Variants in SLC25A26 observed in about 807,000 individuals in gnomAD.
SLC25A26 encodes mitochondrial S-adenosylmethionine carrier protein.
SLC25A26 carries 36 observed loss-of-function variants against 37.8 expected under a neutral mutation model. That is an observed-to-expected ratio of 0.95 (90% CI 0.73 to 1.26). SLC25A26 has a LOEUF of 1.26. Ranked by LOEUF, SLC25A26 falls within the 50% of genes most tolerant of loss-of-function variation. The probability of loss-of-function intolerance (pLI) is 0.00; values close to 1 mark genes in which losing one functional copy is unlikely to be tolerated. For missense variants in SLC25A26, 390 were observed against 331.1 expected (o/e 1.18, Z -1.38); for synonymous variants, 129 against 122.5 (o/e 1.05, Z -0.35).
rs549698555 is a variant in SLC25A26 at position 66,308,451 on chromosome 3, A to T, written c.454-37913A>T. 3.3e-5 allele frequency among the ~76,000 whole-genome samples: 5 copies of T among 152,256 alleles called. No homozygotes were observed. In the South Asian group the frequency reaches 6.2e-4, roughly 19 times the overall value. On this transcript the variant is annotated intron_variant, in intron 5 of 9. Transcript: ENST00000354883. ...ATACAATCTTGTTAACTGCAAACGG[A>T]GAGAATTTGACTTCCTCTCTTCCTA... is the stretch of plus-strand genomic sequence containing the variant.
chr3:66,259,065 G>A (rs1448224932), intron 3 of SLC25A26, among the ~76,000 whole-genome samples: 3 of 152,058 alleles, frequency 2.0e-5, no homozygotes, highest in Non-Finnish European at 4.4e-5. Context: ...TAACTCACCT[G>A]ATTGTGGTCC....
At chr3:66,339,315 C>T (rs184562514) in intron 5 of SLC25A26, among the ~76,000 whole-genome samples, 6 of 152,038 alleles carry the variant, frequency 3.9e-5, no homozygotes, top group Middle Eastern at 3.4e-3. Context: ...ATATTTTAAA[C>T]GCAAGTCCTT....
intron 5 of SLC25A26, among the ~76,000 whole-genome samples, chr3:66,268,983 A>C (rs1465617840): frequency 6.6e-6 from 1 of 152,102 alleles, no homozygotes; most frequent in African/African-American, 2.4e-5. Flanking sequence ...TTTATAAATT[A>C]CTCAGTCTCA....
intron 1 of SLC25A26, among the ~76,000 whole-genome samples, chr3:66,193,677 A>G (rs923633607): frequency 3.9e-5 from 6 of 152,202 alleles, no homozygotes; most frequent in African/African-American, 1.4e-4. Context: ...ACTTACACCA[A>G]TTAAATGACA....
At chr3:66,199,631 C>T (rs1405850111) in intron 1 of SLC25A26, among the ~76,000 whole-genome samples, 1 of 152,032 alleles carries the variant, frequency 6.6e-6, no homozygotes, top group Non-Finnish European at 1.5e-5. Flanking sequence ...TGAATCTGTA[C>T]CTGACCCTTC....
chr3:66,231,433 C>G (rs36188516), intron 1 of SLC25A26, among the ~76,000 whole-genome samples: 38,981 of 151,496 alleles, frequency 0.26, 5,713 homozygotes, highest in African/African-American at 0.39. Flanking sequence ...ATATTCATTA[C>G]AAAACTTGAG....
chr3:66,307,999 A>G (rs1435041790), intron 5 of SLC25A26, among the ~76,000 whole-genome samples: 2 of 152,170 alleles, frequency 1.3e-5, no homozygotes, highest in Non-Finnish European at 1.5e-5. Context: ...CTTTGGTTCC[A>G]TATGAAATTT....
chr3:66,192,577 G>T (rs1177712311), intron 1 of SLC25A26, among the ~76,000 whole-genome samples: 1 of 152,158 alleles, frequency 6.6e-6, no homozygotes, highest in South Asian at 2.1e-4. Flanking sequence ...AAAGGAGAAT[G>T]AATCTAAGTA....
At chr3:66,211,180 G>C (rs1372270727) in intron 1 of SLC25A26, among the ~76,000 whole-genome samples, 2 of 152,158 alleles carry the variant, frequency 1.3e-5, no homozygotes, top group Non-Finnish European at 2.9e-5. Flanking sequence ...GGATTCACCT[G>C]GGGACAGTTC....
intron 5 of SLC25A26, among the ~76,000 whole-genome samples, chr3:66,276,933 G>A (rs185293759): frequency 6.8e-6 from 1 of 147,714 alleles, no homozygotes; most frequent in African/African-American, 2.5e-5. Flanking sequence ...GCATGAACTT[G>A]GAAGCTGCTT....
intron 1 of SLC25A26, among the ~76,000 whole-genome samples, chr3:66,209,332 T>G (rs1488581653): frequency 7.1e-6 from 1 of 140,052 alleles, no homozygotes; most frequent in Non-Finnish European, 1.5e-5. Context: ...TCTATATGTA[T>G]GTATATATAC....
chr3:66,148,292 G>C (rs971463173), intron 1 of SLC25A26, among the ~76,000 whole-genome samples: 1 of 152,160 alleles, frequency 6.6e-6, no homozygotes, highest in Non-Finnish European at 1.5e-5. Context: ...TTTGTGGAGA[G>C]AAGTGAGCAG....
At chr3:66,161,161 TAA>T (rs367585131) in intron 1 of SLC25A26, among the ~76,000 whole-genome samples, 108 of 139,696 alleles carry the variant, frequency 7.7e-4, no homozygotes, top group Admixed American at 9.4e-4. Flanking sequence ...GTTGTTGTTG[TAA>T]AAAAAAAAAA....
intron 5 of SLC25A26, among the ~76,000 whole-genome samples, chr3:66,311,309 G>A (rs1201197777): frequency 2.0e-5 from 3 of 151,894 alleles, no homozygotes; most frequent in South Asian, 2.1e-4. Context: ...TATGCTTCAC[G>A]AAATTCTCGT....
chr3:66,324,720 T>G, intron 5 of SLC25A26, among the ~76,000 whole-genome samples: 1 of 152,056 alleles, frequency 6.6e-6, no homozygotes, highest in East Asian at 1.9e-4. Context: ...AAGATGGAGT[T>G]GGTTAGGTCA....
At chr3:66,154,906 G>A (rs1036584293) in intron 1 of SLC25A26, among the ~76,000 whole-genome samples, 1 of 152,190 alleles carries the variant, frequency 6.6e-6, no homozygotes, top group African/African-American at 2.4e-5. Flanking sequence ...ATCAGATAAA[G>A]TATGTATCAG....
intron 5 of SLC25A26, among the ~76,000 whole-genome samples, chr3:66,308,632 A>G (rs2075292710): frequency 6.6e-6 from 1 of 152,292 alleles, no homozygotes; most frequent in South Asian, 2.1e-4. Flanking sequence ...GACACTGGCT[A>G]TGAGTTTGTC....
Position 66,154,781 on chromosome 3 carries a change from G to A in SLC25A26, c.-354+20797G>A, listed in dbSNP as rs151301058. Among the ~76,000 whole-genome samples the A allele has an allele frequency of 1.6e-4, 24 of 152,022 alleles. No individual in the cohort carries two copies. In the East Asian group the frequency reaches 4.5e-3, roughly 28 times the overall value. On this transcript the variant is annotated intron_variant, in intron 1 of 10. Transcript: ENST00000676754. ...ACAGGCATAAGCCACAGCGCCCGGC[G>A]GGCCTTGTTTACTTTGGATAAGTCA...
chr3:66,302,769 A>G (rs866255811), intron 5 of SLC25A26, among the ~76,000 whole-genome samples: 1 of 152,246 alleles, frequency 6.6e-6, no homozygotes, highest in African/African-American at 2.4e-5. Context: ...AGGTTAGCCC[A>G]TATTTAAGTT....
Sources: gnomAD v4.1 joint callset for allele counts (sites outside exome capture counted in the v4.1 genomes callset) on GRCh38, gnomAD v4.1.1 for gene constraint, MANE v1.5 for transcripts, NCBI Gene and HGNC (gene_info 2026-07-23, HGNC 2026-07-21) for gene names.